Variants in FOXN3 observed in about 807,000 individuals in gnomAD.
The protein encoded by FOXN3 is forkhead box protein N3.
A neutral mutation model predicts 38.4 loss-of-function variants in FOXN3; 7 were observed. That is an observed-to-expected ratio of 0.18 (90% confidence interval 0.10 to 0.34). The LOEUF (loss-of-function observed/expected upper bound fraction) is 0.34. Among genes scored for constraint, FOXN3 ranks in the 10% least tolerant of loss-of-function variants. The pLI is 1.00. For synonymous variants in FOXN3, 230 were observed against 242.2 expected (o/e 0.95, Z 0.47); for missense variants, 456 against 613.4 (o/e 0.74, Z 2.71).
At chr14:89,391,912 C>T (rs1261346994) in intron 2 of FOXN3, among the ~76,000 whole-genome samples, 5 of 152,084 alleles carry the variant, frequency 3.3e-5, no homozygotes, top group African/African-American at 4.8e-5. Flanking sequence ...GAGGCTGAGG[C>T]GGGAGAATTG....
chr14:89,592,661 T>C (rs924157890), intron 1 of FOXN3, among the ~76,000 whole-genome samples: 1 of 152,156 alleles, frequency 6.6e-6, no homozygotes, highest in Non-Finnish European at 1.5e-5. Context: ...AGAGAGGGGA[T>C]AGATTAGAGA....
intron 4 of FOXN3, among the ~76,000 whole-genome samples, chr14:89,183,350 C>T (rs1213804881): frequency 2.6e-5 from 4 of 152,150 alleles, no homozygotes; most frequent in South Asian, 4.1e-4. Flanking sequence ...TTGTAATTCA[C>T]GTCAGTAAAA....
At chr14:89,560,991 G>A (rs1035920520) in intron 1 of FOXN3, among the ~76,000 whole-genome samples, 2 of 152,208 alleles carry the variant, frequency 1.3e-5, no homozygotes, top group African/African-American at 4.8e-5. Flanking sequence ...GAACAGGTAA[G>A]GGAGTTTGGA....
At chr14:89,275,971 G>A (rs1438756315) in intron 4 of FOXN3, among the ~76,000 whole-genome samples, 2 of 152,170 alleles carry the variant, frequency 1.3e-5, no homozygotes, top group Non-Finnish European at 2.9e-5. Context: ...CTCGTCCAGT[G>A]TGAGTTGTCA....
intron 1 of FOXN3, among the ~76,000 whole-genome samples, chr14:89,560,895 C>T (rs531568271): frequency 6.6e-6 from 1 of 152,230 alleles, no homozygotes; most frequent in African/African-American, 2.4e-5. Context: ...TAGATATAGC[C>T]CCAGTAGAGG....
intron 1 of FOXN3, among the ~76,000 whole-genome samples, chr14:89,453,727 C>T (rs920326607): frequency 2.6e-4 from 40 of 152,078 alleles, no homozygotes; most frequent in African/African-American, 8.9e-4. Context: ...GAAATAGGCA[C>T]TCTTGTTTTG....
chr14:89,397,535 T>A (rs1032511768), intron 2 of FOXN3, among the ~76,000 whole-genome samples: 5 of 151,666 alleles, frequency 3.3e-5, no homozygotes, highest in Middle Eastern at 3.2e-3. Context: ...CTCCTTTGTC[T>A]GTGCTGTGGC....
intron 1 of FOXN3, among the ~76,000 whole-genome samples, chr14:89,581,175 C>G (rs1895731023): frequency 6.6e-6 from 1 of 151,864 alleles, no homozygotes; most frequent in Non-Finnish European, 1.5e-5. Context: ...GAGTGAGACC[C>G]TGTCTCAGAA....
At chr14:89,424,280 T>A (rs1010933937) in intron 1 of FOXN3, among the ~76,000 whole-genome samples, 1 of 152,190 alleles carries the variant, frequency 6.6e-6, no homozygotes, top group Non-Finnish European at 1.5e-5. Flanking sequence ...TGAAACAATT[T>A]GCAAAGATTT....
At chr14:89,413,141 G>A (rs1017452241) in intron 1 of FOXN3, among the ~76,000 whole-genome samples, 3 of 152,158 alleles carry the variant, frequency 2.0e-5, no homozygotes, top group Non-Finnish European at 2.9e-5. Flanking sequence ...GAGGTGGTAC[G>A]TTTACAAACA....
chr14:89,199,748 C>CA (rs1443411890), intron 4 of FOXN3, among the ~76,000 whole-genome samples: 1 of 151,922 alleles, frequency 6.6e-6, no homozygotes, highest in Non-Finnish European at 1.5e-5. Context: ...ACTAAAAATT[C>CA]AAAAAATTAG....
chr14:89,445,959 G>A (rs906764186), intron 1 of FOXN3, among the ~76,000 whole-genome samples: 13 of 150,996 alleles, frequency 8.6e-5, no homozygotes, highest in Non-Finnish European at 1.3e-4. Context: ...GGGGGTGGCG[G>A]GGGTGGAGGA....
At chr14:89,609,147 G>A (rs1414809100) in intron 1 of FOXN3, among the ~76,000 whole-genome samples, 1 of 152,150 alleles carries the variant, frequency 6.6e-6, no homozygotes, top group Non-Finnish European at 1.5e-5. Context: ...GATTATAAAA[G>A]AACTTGAAAG....
chr14:89,207,374 G>A (rs944765814), intron 4 of FOXN3, among the ~76,000 whole-genome samples: 1 of 152,032 alleles, frequency 6.6e-6, no homozygotes, highest in Non-Finnish European at 1.5e-5. Context: ...ATAAGCTTTT[G>A]GGGAAATACA....
chr14:89,484,061 A>C lies in FOXN3; in HGVS notation c.-14-71571T>G, dbSNP rs1355122439. Among the ~76,000 whole-genome samples the C allele has an allele frequency of 6.6e-6, 1 of 152,216 alleles. No individual in the cohort carries two copies. The highest frequency in any genetic ancestry group is 1.9e-4 in the East Asian group (1 of 5,202). On this transcript the variant is annotated intron_variant, in intron 1 of 6. Coordinates refer to the FOXN3 transcript ENST00000345097. The surrounding 1 kb of genome is among the most constrained non-coding windows in gnomAD (Gnocchi z 4.0). ...ATGCTTCATCTTACAGACAACCCTA[A>C]GACGAAATGGCCTCATGTTGCATCT... is the stretch of plus-strand genomic sequence containing the variant.
rs763454392 is a variant in FOXN3 at position 89,435,373 on chromosome 14, TAAA to T, written c.-14-22886_-14-22884del. Among the ~76,000 whole-genome samples, 598 of 131,314 alleles carry T rather than the reference TAAA, an allele frequency of 4.6e-3. 7 individuals are homozygous for T. Among genetic ancestry groups the T allele is most frequent in the African/African-American group, 0.016 (567 of 35,676 alleles). The allele number at this position is 131,314 out of a possible 152,430, so 86.1% of individuals were successfully genotyped here. A position where few individuals can be genotyped will look rare whatever the true frequency, so the allele number is the denominator to read the frequency against. On this transcript the variant is annotated intron_variant, in intron 1 of 6. Transcript: ENST00000345097. ...GGTGACACAGCAAGACCCTGTCTCT[TAAA>T]AAAAAAAAAAAAAAATGGCAGCCCA...
At chr14:89,585,759 A>G (rs1596325325) in intron 1 of FOXN3, among the ~76,000 whole-genome samples, 1 of 56,100 alleles carries the variant, frequency 1.8e-5, no homozygotes, top group African/African-American at 3.3e-4. Context: ...CTTGACTAGA[A>G]AAAAAAAAAA....
chr14:89,329,618 G>A (rs1454356730), intron 3 of FOXN3, among the ~76,000 whole-genome samples: 2 of 152,138 alleles, frequency 1.3e-5, no homozygotes, highest in Non-Finnish European at 1.5e-5. Context: ...AGCACTTTGG[G>A]AGGCCGAGGC....
intron 4 of FOXN3, chr14:89,190,494 G>A: frequency 1.1e-5 from 14 of 1,230,932 alleles, no homozygotes; most frequent in Non-Finnish European, 1.5e-5. Flanking sequence ...AACGGGGCCG[G>A]TGTGTGTGTG....
Sources: allele counts gnomAD v4.1 joint callset (sites outside exome capture counted in the v4.1 genomes callset), GRCh38; gene constraint gnomAD v4.1.1; non-coding constraint Gnocchi (gnomAD v3.1); transcripts MANE v1.5; gene names NCBI Gene and HGNC (gene_info 2026-07-23, HGNC 2026-07-21).